The following ASB3 variants were observed in gnomAD, a reference collection of about 807,000 sequenced individuals.
ASB3 encodes ankyrin repeat and SOCS box containing 3, also known as ankyrin repeat and SOCS box protein 3.
Under a neutral mutation model 54.5 loss-of-function variants are expected in ASB3, and 41 were observed. The ratio of observed to expected loss-of-function variants is 0.75; its 90% CI spans 0.59 to 0.98. The LOEUF (loss-of-function observed/expected upper bound fraction) is 0.98, where lower values mean the gene tolerates loss of function less well. ASB3 is among the 50% of genes least tolerant of loss of function. The probability of loss-of-function intolerance (pLI) is 0.00; values close to 1 mark genes in which losing one functional copy is unlikely to be tolerated. For missense variants in ASB3, 733 were observed against 620.0 expected (o/e 1.18, Z -1.94); for synonymous variants, 266 against 221.2 (o/e 1.20, Z -1.80).
At chr2:53,700,960 T>C (rs1450679129) in intron 7 of ASB3, among the ~76,000 whole-genome samples, 3 of 152,148 alleles carry the variant, frequency 2.0e-5, no homozygotes, top group Non-Finnish European at 4.4e-5. Context: ...CCTTAGCCAA[T>C]TTCCCTCCCA....
intron 9 of ASB3, among the ~76,000 whole-genome samples, chr2:53,682,307 A>G (rs62139835): frequency 0.49 from 74,808 of 152,032 alleles, 18,692 homozygotes; most frequent in East Asian, 0.63. Context: ...CAATGAACAC[A>G]GAATGTATTT....
chr2:53,699,594 C>T (rs1318691186), intron 8 of ASB3, among the ~76,000 whole-genome samples: 1 of 152,088 alleles, frequency 6.6e-6, no homozygotes, highest in African/African-American at 2.4e-5. Context: ...ATAACAAGTC[C>T]TCTATTTTCC....
At chr2:53,769,440 C>G (rs1220501490) in intron 1 of ASB3, among the ~76,000 whole-genome samples, 1 of 152,206 alleles carries the variant, frequency 6.6e-6, no homozygotes, top group Non-Finnish European at 1.5e-5. Flanking sequence ...CTTTACTAGT[C>G]TTGACGAAAA....
intron 1 of ASB3, among the ~76,000 whole-genome samples, chr2:53,768,794 TAGC>T (rs1253478191): frequency 3.3e-5 from 5 of 152,344 alleles, no homozygotes; most frequent in African/African-American, 4.8e-5. Flanking sequence ...TATAGAGAAT[TAGC>T]AGCAGCTCAC....
chr2:53,754,991 C>A (rs1161048909), intron 2 of ASB3, among the ~76,000 whole-genome samples: 2 of 152,212 alleles, frequency 1.3e-5, no homozygotes, highest in Non-Finnish European at 2.9e-5. Context: ...CCCTTCTCTA[C>A]AGGGGTGCTT....
chr2:53,698,461 G>A (rs1345902648), intron 8 of ASB3, among the ~76,000 whole-genome samples: 1 of 151,922 alleles, frequency 6.6e-6, no homozygotes. Context: ...ATTATATTAT[G>A]TCCTAAGTCA....
At chr2:53,782,290 A>C (rs1199132022) in intron 1 of ASB3, among the ~76,000 whole-genome samples, 1 of 152,216 alleles carries the variant, frequency 6.6e-6, no homozygotes, top group African/African-American at 2.4e-5. Context: ...GCACTCATTC[A>C]TTCTGGAAGA....
At chr2:53,697,316 C>T (rs1041678342) in intron 8 of ASB3, among the ~76,000 whole-genome samples, 2 of 152,198 alleles carry the variant, frequency 1.3e-5, no homozygotes, top group Admixed American at 1.3e-4. Flanking sequence ...GAATAATTCA[C>T]CCCTTGTTTA....
At chr2:53,758,994 G>C (rs894308904) in intron 2 of ASB3, among the ~76,000 whole-genome samples, 5 of 152,206 alleles carry the variant, frequency 3.3e-5, no homozygotes, top group African/African-American at 1.2e-4. Flanking sequence ...ACAAGGGTTA[G>C]AACAATGCTT....
intron 3 of ASB3, among the ~76,000 whole-genome samples, 160 bp from the exon 4 acceptor site, chr2:53,729,730 T>C (rs1170734064): frequency 1.3e-5 from 2 of 152,238 alleles, no homozygotes; most frequent in South Asian, 2.1e-4. Context: ...TCCATTAACA[T>C]ATATCTAATT....
At chr2:53,772,027 A>G (rs774903182) in intron 1 of ASB3, 28 of 816,358 alleles carry the variant, frequency 3.4e-5, no homozygotes, top group Non-Finnish European at 5.3e-5. Flanking sequence ...AACAATCATC[A>G]CAGACAATTT....
intron 8 of ASB3, among the ~76,000 whole-genome samples, chr2:53,695,683 T>C (rs1198945345): frequency 6.6e-6 from 1 of 152,124 alleles, no homozygotes; most frequent in Admixed American, 6.6e-5. Flanking sequence ...GTTACTTTAC[T>C]ACAGAGACCA....
chr2:53,746,472 T>TG (rs371477022), intron 3 of ASB3, among the ~76,000 whole-genome samples: 1 of 149,694 alleles, frequency 6.7e-6, no homozygotes, highest in Non-Finnish European at 1.5e-5. Context: ...CACTGTTTTT[T>TG]GGGGGGTTTT....
intron 1 of ASB3, chr2:53,774,171 G>A: frequency 1.2e-6 from 2 of 1,611,510 alleles, no homozygotes; most frequent in Non-Finnish European, 8.5e-7. Flanking sequence ...CTTACAGATT[G>A]CCAGTAGGAA....
chr2:53,714,294 C>T (rs1670267308), intron 7 of ASB3, 90 bp downstream of exon 7: 3 of 1,483,448 alleles, frequency 2.0e-6, no homozygotes, highest in East Asian at 4.7e-5. Context: ...AACAGAGATA[C>T]TAAGTTTCAT....
At chr2:53,692,950 T>C (rs540114945) in intron 9 of ASB3, among the ~76,000 whole-genome samples, 3 of 152,318 alleles carry the variant, frequency 2.0e-5, no homozygotes, top group African/African-American at 7.2e-5. Flanking sequence ...TCTTAACAGT[T>C]TGAATACACC....
rs1669754636 is a variant in ASB3, at chr2:53,706,130, G to T, written c.981-5602C>A. ...GTGTTATTACTATCCCTATTTTAAA[G>T]ATAATGGAATGAGATTTAGCAGAAT... On this transcript the variant is annotated intron_variant, in intron 7 of 9. Transcript: ENST00000263634. Among the ~76,000 whole-genome samples the T allele has an allele frequency of 2.6e-5, 4 of 152,118 alleles. No homozygotes were observed. In the South Asian group the frequency reaches 8.3e-4, roughly 32 times the overall value.
chr2:53,714,609 T>C (rs1390272968), intron 6 of ASB3, 28 bp from the exon 7 acceptor site: 1 of 1,610,780 alleles, frequency 6.2e-7, no homozygotes, highest in Non-Finnish European at 8.5e-7. Context: ...CAGGAGAATT[T>C]AGTGTTTGTA....
chr2:53,684,252 G>T (rs1300298507), intron 9 of ASB3, among the ~76,000 whole-genome samples: 1 of 152,140 alleles, frequency 6.6e-6, no homozygotes, highest in Non-Finnish European at 1.5e-5. Flanking sequence ...TCCACATTTG[G>T]CACTAACTAA....
Sources: allele counts gnomAD v4.1 joint callset (sites outside exome capture counted in the v4.1 genomes callset), GRCh38; gene constraint gnomAD v4.1.1; transcripts MANE v1.5; gene names NCBI Gene and HGNC (gene_info 2026-07-23, HGNC 2026-07-21).